Variants in EYA2 observed in about 807,000 individuals in gnomAD.
EYA2 encodes the protein protein phosphatase EYA2.
A neutral mutation model predicts 69.2 loss-of-function variants in EYA2; 31 were observed. That is an observed-to-expected ratio of 0.45 (90% confidence interval 0.34 to 0.60). The LOEUF (loss-of-function observed/expected upper bound fraction) is 0.60. Ranked by LOEUF, EYA2 falls within the 20% of genes least tolerant of loss-of-function variation. The pLI is 0.02. For missense variants in EYA2, 622 were observed against 701.2 expected, an observed-to-expected ratio of 0.89 and a Z score of 1.28; for synonymous variants, 257 against 279.4, an observed-to-expected ratio of 0.92 and a Z score of 0.80.
intron 8 of EYA2, among the ~76,000 whole-genome samples, chr20:47,091,944 G>A (rs975555088): frequency 1.3e-5 from 2 of 152,172 alleles, no homozygotes; most frequent in African/African-American, 2.4e-5. Flanking sequence ...GTATCCCAGT[G>A]GCCTAGCTTG....
chr20:46,974,035 C>T (rs1241336172), intron 1 of EYA2, among the ~76,000 whole-genome samples: 3 of 152,246 alleles, frequency 2.0e-5, no homozygotes, highest in Non-Finnish European at 4.4e-5. Flanking sequence ...CAATCCATCT[C>T]TGCTACTTAC....
intron 1 of EYA2, among the ~76,000 whole-genome samples, chr20:46,930,957 C>T (rs1396419999): frequency 6.6e-6 from 1 of 152,186 alleles, no homozygotes; most frequent in Non-Finnish European, 1.5e-5. Context: ...TATTTGGGAA[C>T]AGATCATTAT....
intron 9 of EYA2, among the ~76,000 whole-genome samples, chr20:47,140,814 A>G (rs871860): frequency 0.017 from 2,627 of 152,292 alleles, 116 homozygotes; most frequent in East Asian, 0.17. Flanking sequence ...GATTCTGGGG[A>G]TCGGCAAGTT....
chr20:47,069,592 C>A (rs889697062), intron 5 of EYA2, among the ~76,000 whole-genome samples: 1 of 152,114 alleles, frequency 6.6e-6, no homozygotes, highest in Non-Finnish European at 1.5e-5. Context: ...TAAACCTTCT[C>A]ATTTATGGTC....
At chr20:46,919,761 A>G (rs139191218) in intron 1 of EYA2, among the ~76,000 whole-genome samples, 244 of 152,374 alleles carry the variant, frequency 1.6e-3, no homozygotes, top group African/African-American at 5.7e-3. Flanking sequence ...TTGGCTAAAC[A>G]TTTGTTGCAA....
At chr20:47,171,270 C>G (rs534272152) in intron 11 of EYA2, among the ~76,000 whole-genome samples, 83 of 152,222 alleles carry the variant, frequency 5.5e-4, no homozygotes, top group Non-Finnish European at 1.1e-3. Flanking sequence ...TTTGAGAATT[C>G]TCAGCCCAAG....
At chr20:46,909,801 C>T (rs1161641025) in intron 1 of EYA2, among the ~76,000 whole-genome samples, 2 of 152,134 alleles carry the variant, frequency 1.3e-5, no homozygotes, top group Non-Finnish European at 2.9e-5. Context: ...AAAATTGTAC[C>T]TATAGGTATG....
chr20:46,929,152 C>G (rs1282386550), intron 1 of EYA2, among the ~76,000 whole-genome samples: 1 of 98,298 alleles, frequency 1.0e-5, no homozygotes, highest in African/African-American at 3.7e-5. Context: ...ATAAGTTGTG[C>G]AAAAAAAAAA....
intron 1 of EYA2, among the ~76,000 whole-genome samples, chr20:46,924,136 C>T (rs539518144): frequency 1.1e-4 from 16 of 152,088 alleles, no homozygotes; most frequent in Non-Finnish European, 1.9e-4. Context: ...TTAAAAGTTC[C>T]TTTTTAGGTA....
intron 2 of EYA2, among the ~76,000 whole-genome samples, chr20:46,992,645 C>G (rs1055174500): frequency 3.9e-5 from 6 of 152,206 alleles, no homozygotes; most frequent in African/African-American, 1.4e-4. Context: ...CACAGACACA[C>G]TCCTTTTTGT....
intron 1 of EYA2, among the ~76,000 whole-genome samples, chr20:46,895,289 T>C (rs1225092135): frequency 2.0e-5 from 3 of 152,100 alleles, no homozygotes; most frequent in Non-Finnish European, 4.4e-5. Flanking sequence ...GACAAGTGCA[T>C]GGCGCGCAGG....
At chr20:47,005,526 A>G (rs1307094908) in intron 4 of EYA2, among the ~76,000 whole-genome samples, 1 of 152,250 alleles carries the variant, frequency 6.6e-6, no homozygotes, top group African/African-American at 2.4e-5. Context: ...CAGTGGAAAG[A>G]GAGCTCATCT....
chr20:46,984,883 A>G (rs147425244), intron 1 of EYA2, among the ~76,000 whole-genome samples: 2 of 152,378 alleles, frequency 1.3e-5, no homozygotes, highest in African/African-American at 4.8e-5. Flanking sequence ...CCACCAGGGC[A>G]ATGCATAAAT....
chr20:47,177,573 AAAG>A (rs961592144), intron 12 of EYA2, among the ~76,000 whole-genome samples: 3 of 152,398 alleles, frequency 2.0e-5, no homozygotes, highest in African/African-American at 7.2e-5. Context: ...TCAGAAAGAT[AAAG>A]AAGGCCAGCA....
intron 1 of EYA2, among the ~76,000 whole-genome samples, chr20:46,943,032 C>T (rs764918186): frequency 7.9e-5 from 12 of 152,328 alleles, no homozygotes; most frequent in Non-Finnish European, 1.5e-4. Flanking sequence ...TCCCAAAGTG[C>T]TGGGATTATG....
At position 47,172,956 on chromosome 20, in the gene EYA2, G is replaced by A. The variant is rs567629213; in HGVS notation, c.1198+89G>A. On this transcript the variant is annotated intron_variant, in intron 12 of 15. Transcript: ENST00000327619. ...TCCCTGCTGTGCCAGGCGCCAGGCA[G>A]AGAGGTTCACAAGTTCAGTACCAGC... 7.0e-5 allele frequency: 103 copies of A among 1,468,554 alleles called. 4 individuals are homozygous for A. In the South Asian group the frequency reaches 1.2e-3, roughly 17 times the overall value. The allele number at this position is 1,468,554 out of a possible 1,614,324, so 91.0% of individuals were successfully genotyped here.
At chr20:46,947,401 A>G (rs975687877) in intron 1 of EYA2, among the ~76,000 whole-genome samples, 2 of 152,262 alleles carry the variant, frequency 1.3e-5, no homozygotes, top group African/African-American at 4.8e-5. Context: ...AATAAACTGC[A>G]TACACACAGA....
At chr20:47,107,452 G>T (rs1250990026) in intron 9 of EYA2, among the ~76,000 whole-genome samples, 5 of 151,096 alleles carry the variant, frequency 3.3e-5, no homozygotes, top group Admixed American at 6.6e-5. Flanking sequence ...CTTAAACCCA[G>T]GTGGCAGAGG....
rs1600769224 is a variant in EYA2 at position 47,172,760 on chromosome 20, T to C, written c.1091T>C (p.Leu364Pro). The C allele has an allele frequency of 6.2e-7, 1 of 1,614,126 alleles. No homozygotes were observed. The highest frequency in any genetic ancestry group is 8.5e-7 in the Non-Finnish European group (1 of 1,180,006). The change falls in exon 12 of 16, where the codon CTG becomes CCG. Residue 364 changes from leucine to proline, a missense_variant. Leu to Pro is a moderately conservative substitution (Grantham distance 98). Around this residue, in one of 2 missense-constraint regions of EYA2, gnomAD observed 257 missense variants for 351.5 expected, o/e 0.73. Coordinates refer to ENST00000327619, the MANE Select transcript of EYA2 (RefSeq NM_005244.5). ...GFHSSAPGANLCLGSGVHGGV... is the reference protein window; with the variant it reads ...GFHSSAPGANPCLGSGVHGGV... ...CACAGTTCGGCCCCAGGAGCCAACCTGTGCCTGGGCTCTGGCGTGCACGGC... is the reference window on the plus strand; with the variant it reads ...CACAGTTCGGCCCCAGGAGCCAACCCGTGCCTGGGCTCTGGCGTGCACGGC...
Sources: allele counts gnomAD v4.1 joint callset (sites outside exome capture counted in the v4.1 genomes callset), GRCh38; gene constraint gnomAD v4.1.1; regional missense constraint gnomAD v4.1.1; transcripts MANE v1.5; gene names NCBI Gene and HGNC (gene_info 2026-07-23, HGNC 2026-07-21).